The following KIAA2012 variants were observed in gnomAD, a reference collection of about 807,000 sequenced individuals.
KIAA2012 encodes the protein uncharacterized protein KIAA2012.
In KIAA2012, 125 loss-of-function variants were observed where a neutral mutation model predicts 150.6. The observed-to-expected ratio is 0.83, with a 90% CI of 0.72 to 0.96. The LOEUF is 0.96. KIAA2012 is among the 40% of genes least tolerant of loss of function. KIAA2012 has a pLI of 0.00. For synonymous variants in KIAA2012, 462 were observed against 504.7 expected, an observed-to-expected ratio of 0.92 and a Z score of 1.13; for missense variants, 1,219 against 1,354.9, an observed-to-expected ratio of 0.90 and a Z score of 1.57.
rs1243340695 is a variant in KIAA2012, at chr2:202,184,758, G to T, written c.2125G>T (p.Glu709Ter). Residue 709 changes from glutamate to a stop codon, truncating the protein, a stop_gained, in exon 16 of 24, where the codon GAG (glutamate) becomes TAG (stop). Transcript: ENST00000498697. LOFTEE classifies it high-confidence loss of function. ...RETHHNDQDPEPRSMTLDSPR... is the reference protein window; with the variant it reads ...RETHHNDQDP ...TTGATACTCTGTTTTCACAGACCCA[G>T]AGCCAAGGAGTATGACCCTTGACTC... 6.5e-7 allele frequency: 1 copy of T among 1,539,262 alleles called. No individual in the cohort carries two copies. The highest frequency in any genetic ancestry group is 2.5e-5 in the East Asian group (1 of 40,318).
intron 2 of KIAA2012, among the ~76,000 whole-genome samples, chr2:202,086,226 C>T (rs1200240924): frequency 6.7e-6 from 1 of 149,490 alleles, no homozygotes; most frequent in Non-Finnish European, 1.5e-5. Context: ...CTAATGAGAA[C>T]CTGCAAGGGT....
chr2:202,096,189 T>C (rs1689879782), intron 4 of KIAA2012, among the ~76,000 whole-genome samples: 1 of 152,122 alleles, frequency 6.6e-6, no homozygotes, highest in African/African-American at 2.4e-5. Flanking sequence ...AAGATGGACC[T>C]AGTTTAGTGT....
At chr2:202,167,140 C>T (rs541876059) in intron 15 of KIAA2012, among the ~76,000 whole-genome samples, 1 of 151,748 alleles carries the variant, frequency 6.6e-6, no homozygotes, top group South Asian at 2.1e-4. Flanking sequence ...CACCACTGCA[C>T]TCTAGCCTGG....
In KIAA2012 at chr2:202,121,926, G is replaced by T. The variant is rs553222239; in HGVS notation, c.1763-3288G>T. The stretch of plus-strand genomic sequence containing the variant: ...AGGAGGTTGGGAAGGGCTTTTTACA[G>T]AGGAAGTTCCATTTACACTGACCTT... On this transcript the variant is annotated intron_variant, in intron 11 of 23. Coordinates refer to ENST00000498697, the MANE Select transcript of KIAA2012 (RefSeq NM_001277372.4). Among the ~76,000 whole-genome samples, 160 of 152,358 alleles carry T rather than the reference G, an allele frequency of 1.1e-3. 1 individual carries two copies. Among genetic ancestry groups the T allele is most frequent in the Admixed American group, 4.6e-3 (71 of 15,310 alleles).
intron 7 of KIAA2012, among the ~76,000 whole-genome samples, chr2:202,102,167 T>TAC (rs1035850893): frequency 1.4e-5 from 2 of 147,884 alleles, no homozygotes; most frequent in African/African-American, 5.3e-5. Context: ...GAATCTCTCA[T>TAC]ACACACACAC....
intron 11 of KIAA2012, among the ~76,000 whole-genome samples, chr2:202,120,133 G>T (rs1284341508): frequency 6.6e-6 from 1 of 152,146 alleles, no homozygotes; most frequent in Non-Finnish European, 1.5e-5. Context: ...TTTGTAAATT[G>T]CCTAGTTCCA....
chr2:202,084,670 T>C (rs891537339), intron 2 of KIAA2012, among the ~76,000 whole-genome samples: 2 of 152,206 alleles, frequency 1.3e-5, no homozygotes, highest in African/African-American at 4.8e-5. Flanking sequence ...TCTCCTTTTA[T>C]ATTTTAGAGT....
chr2:202,181,151 G>A (rs1692110773), intron 15 of KIAA2012, among the ~76,000 whole-genome samples: 1 of 151,994 alleles, frequency 6.6e-6, no homozygotes, highest in African/African-American at 2.4e-5. Flanking sequence ...TCTATTTTTT[G>A]TAGAGACAGG....
chr2:202,142,745 G>A (rs931384099), intron 13 of KIAA2012, among the ~76,000 whole-genome samples: 4 of 152,060 alleles, frequency 2.6e-5, no homozygotes, highest in African/African-American at 9.7e-5. Context: ...GAGTTGGTTA[G>A]GTCAGATCTG....
At chr2:202,134,409 G>A (rs1691018878) in intron 12 of KIAA2012, among the ~76,000 whole-genome samples, 1 of 152,156 alleles carries the variant, frequency 6.6e-6, no homozygotes, top group Non-Finnish European at 1.5e-5. Context: ...ATGTATCTAG[G>A]AAGGAGCCAG....
chr2:202,087,100 G>A (rs1356495855), intron 2 of KIAA2012, among the ~76,000 whole-genome samples: 7 of 152,134 alleles, frequency 4.6e-5, no homozygotes, highest in African/African-American at 7.2e-5. Flanking sequence ...ACACAACCAT[G>A]ACCATTTGTT....
chr2:202,127,925 G>T (rs1690835928), intron 12 of KIAA2012, among the ~76,000 whole-genome samples: 1 of 152,042 alleles, frequency 6.6e-6, no homozygotes, highest in Admixed American at 6.6e-5. Context: ...TTTTCATCTT[G>T]CAAAACTGAA....
In KIAA2012 at chr2:202,142,301, A is replaced by G. The variant is rs529112589; in HGVS notation, c.1908+3793A>G. Among the ~76,000 whole-genome samples, 655 of 152,372 alleles carry G rather than the reference A, an allele frequency of 4.3e-3. 4 individuals carry two copies. The highest frequency in any genetic ancestry group is 7.8e-3 in the Non-Finnish European group (528 of 68,026). On this transcript the variant is annotated intron_variant, in intron 13 of 23. Coordinates refer to ENST00000498697, the MANE Select transcript of KIAA2012 (RefSeq NM_001277372.4). ...AATCCCTTTGTAAAGCAAAATGGCAATATAACTCATGAAACATGAAAAACA... is the reference window on the plus strand; with the variant it reads ...AATCCCTTTGTAAAGCAAAATGGCAGTATAACTCATGAAACATGAAAAACA...
chr2:202,143,501 T>A (rs541302108), intron 13 of KIAA2012, among the ~76,000 whole-genome samples: 9 of 151,598 alleles, frequency 5.9e-5, no homozygotes, highest in Non-Finnish European at 1.3e-4. Flanking sequence ...AAAAAAGTGC[T>A]GTCATGCTAA....
At chr2:202,120,313 C>G (rs1690626913) in intron 11 of KIAA2012, among the ~76,000 whole-genome samples, 1 of 152,106 alleles carries the variant, frequency 6.6e-6, no homozygotes, top group Non-Finnish European at 1.5e-5. Context: ...GAAGTCAAGG[C>G]TGCAGTGAGC....
intron 15 of KIAA2012, chr2:202,179,289 G>GTA (rs1405930594): frequency 1.7e-6 from 2 of 1,183,214 alleles, no homozygotes; most frequent in African/African-American, 3.0e-5. Flanking sequence ...GGCTCTTCGG[G>GTA]TAAAGATGGC....
intron 2 of KIAA2012, chr2:202,077,220 A>G: frequency 2.8e-6 from 1 of 356,016 alleles, no homozygotes; most frequent in South Asian, 2.1e-5. Context: ...AATCACCTGT[A>G]CAACCAATTC....
intron 2 of KIAA2012, among the ~76,000 whole-genome samples, chr2:202,080,742 A>G (rs974412790): frequency 2.0e-5 from 3 of 151,752 alleles, no homozygotes; most frequent in African/African-American, 4.8e-5. Flanking sequence ...TGTAGAAGTT[A>G]GTATTATACC....
At chr2:202,141,538 A>G (rs1691197535) in intron 13 of KIAA2012, among the ~76,000 whole-genome samples, 1 of 152,248 alleles carries the variant, frequency 6.6e-6, no homozygotes, top group Admixed American at 6.5e-5. Flanking sequence ...TCAAGTATTT[A>G]TGAAGGCATT....
Sources: allele counts gnomAD v4.1 joint callset (sites outside exome capture counted in the v4.1 genomes callset), GRCh38; gene constraint gnomAD v4.1.1; transcripts MANE v1.5; gene names NCBI Gene and HGNC (gene_info 2026-07-23, HGNC 2026-07-21).